WASF2: variants seen among roughly 807,000 people sequenced by gnomAD.
WASF2 encodes the protein actin-binding protein WASF2.
In WASF2, 14 loss-of-function variants were observed where a neutral mutation model predicts 45.0. That is an observed-to-expected ratio of 0.31 (90% CI 0.21 to 0.49). The LOEUF (loss-of-function observed/expected upper bound fraction) is 0.49. WASF2 is among the 20% of genes least tolerant of loss of function. The pLI is 0.99. For synonymous variants in WASF2, 200 were observed against 236.3 expected (o/e 0.85, Z 1.41); for missense variants, 439 against 636.1 (o/e 0.69, Z 3.33).
chr1:27,409,578 A>G (rs1452202999), intron 8 of WASF2, 114 bp downstream of exon 8: 43 of 1,332,446 alleles, frequency 3.2e-5, no homozygotes, highest in East Asian at 8.3e-5. Flanking sequence ...TCCCCACCCA[A>G]TGAAAGCCGT....
intron 4 of WASF2, among the ~76,000 whole-genome samples, chr1:27,417,277 C>T (rs1032018280): frequency 1.3e-5 from 2 of 152,200 alleles, no homozygotes; most frequent in African/African-American, 4.8e-5. Flanking sequence ...CTGCCCAAAC[C>T]CAACTAGACT....
chr1:27,457,095 C>G (rs2017479350), intron 1 of WASF2: 1 of 151,830 alleles, frequency 6.6e-6, no homozygotes, highest in African/African-American at 2.4e-5. Context: ...CTAGGCTGAT[C>G]TTGAACTCCT....
At chr1:27,422,050 A>C (rs1182241033) in intron 2 of WASF2, among the ~76,000 whole-genome samples, 3 of 152,022 alleles carry the variant, frequency 2.0e-5, no homozygotes, top group African/African-American at 7.2e-5. Flanking sequence ...AAAAAAAAAA[A>C]ACAATCAACT....
chr1:27,452,839 A>G (rs2017403067), intron 1 of WASF2, among the ~76,000 whole-genome samples: 2 of 150,196 alleles, frequency 1.3e-5, no homozygotes, highest in Middle Eastern at 7.0e-3. Flanking sequence ...AAAAACAAAA[A>G]TTTAAAAATT....
At chr1:27,474,590 T>C (rs1192572298) in intron 1 of WASF2, among the ~76,000 whole-genome samples, 1 of 151,516 alleles carries the variant, frequency 6.6e-6, no homozygotes, top group African/African-American at 2.4e-5. Flanking sequence ...GCCAACATGA[T>C]GAAACCCCGC....
intron 7 of WASF2, among the ~76,000 whole-genome samples, chr1:27,411,974 T>G (rs1341197231): frequency 6.6e-6 from 1 of 152,238 alleles, no homozygotes; most frequent in African/African-American, 2.4e-5. Flanking sequence ...GAATATAGGT[T>G]CTGGAGTTCA....
intron 1 of WASF2, among the ~76,000 whole-genome samples, chr1:27,458,088 T>C (rs943285820): frequency 2.0e-5 from 3 of 151,890 alleles, no homozygotes; most frequent in South Asian, 2.1e-4. Flanking sequence ...GACAGGCGGA[T>C]TGCCTGAGCT....
chr1:27,412,669 C>T lies in WASF2; in HGVS notation c.727G>A (p.Ala243Thr), dbSNP rs1381393805. Residue 243 changes from alanine (A) to threonine (T), a missense_variant, in exon 7 of 9, where the codon GCA becomes ACA. By Grantham distance (58) the Ala-to-Thr change is moderately conservative. Transcript: ENST00000618852. ...TGTGGTGGTGGCGGATAGCTACTTG[C>T]ATCCACGTTTTCAACACAGCCAATG... Reference protein sequence around the residue: ...GSIGCVENVDASSYPPPPQSD... With the variant: ...GSIGCVENVDTSSYPPPPQSD... 5.0e-6 allele frequency: 8 copies of T among 1,614,090 alleles called. No homozygotes were observed. The highest frequency in any genetic ancestry group is 6.8e-6 in the Non-Finnish European group (8 of 1,180,048).
intron 2 of WASF2, among the ~76,000 whole-genome samples, chr1:27,427,262 G>A (rs1168099268): frequency 6.6e-6 from 1 of 152,202 alleles, no homozygotes; most frequent in African/African-American, 2.4e-5. Context: ...ACAAGTGGGA[G>A]TGTGAGCAAT....
intron 2 of WASF2, among the ~76,000 whole-genome samples, chr1:27,427,736 C>A (rs1329896286): frequency 1.3e-5 from 2 of 152,152 alleles, no homozygotes; most frequent in African/African-American, 2.4e-5. Context: ...CGGGAGAATG[C>A]AGGCTTTCTT....
At chr1:27,472,709 C>A (rs1166088166) in intron 1 of WASF2, among the ~76,000 whole-genome samples, 2 of 144,164 alleles carry the variant, frequency 1.4e-5, no homozygotes, top group African/African-American at 5.2e-5. Flanking sequence ...ATGCCTGTAA[C>A]CCCAGCACCT....
chr1:27,445,794 T>C (rs2017303028), intron 1 of WASF2, among the ~76,000 whole-genome samples: 1 of 152,134 alleles, frequency 6.6e-6, no homozygotes, highest in Non-Finnish European at 1.5e-5. Flanking sequence ...GAGAATCGCT[T>C]TAAGTTTCAT....
chr1:27,420,365 C>T (rs879654576), intron 2 of WASF2, among the ~76,000 whole-genome samples: 1 of 152,082 alleles, frequency 6.6e-6, no homozygotes, highest in Non-Finnish European at 1.5e-5. Flanking sequence ...AGAAAAGTTC[C>T]GTACTTTCAA....
At chr1:27,468,346 G>GA (rs1557618315) in intron 1 of WASF2, among the ~76,000 whole-genome samples, 1 of 151,714 alleles carries the variant, frequency 6.6e-6, no homozygotes, top group Non-Finnish European at 1.5e-5. Flanking sequence ...AAACACCAGA[G>GA]AAAAAAAGAA....
chr1:27,479,293 A>T (rs1018474877), intron 1 of WASF2, among the ~76,000 whole-genome samples: 5 of 151,814 alleles, frequency 3.3e-5, no homozygotes, highest in African/African-American at 4.8e-5. Context: ...CTCAAAAAAA[A>T]AAAAAATCTT....
At chr1:27,455,840 A>G (rs1490293746) in intron 1 of WASF2, among the ~76,000 whole-genome samples, 1 of 152,152 alleles carries the variant, frequency 6.6e-6, no homozygotes, top group Non-Finnish European at 1.5e-5. Flanking sequence ...CTCTATTATT[A>G]CTTTATTATA....
At chr1:27,463,932 C>T (rs912594904) in intron 1 of WASF2, among the ~76,000 whole-genome samples, 6 of 151,326 alleles carry the variant, frequency 4.0e-5, no homozygotes, top group Admixed American at 4.0e-4. Context: ...CCACCACGCC[C>T]GGCTAATTAT....
chr1:27,409,714 G>T lies in WASF2; in HGVS notation c.1317C>A (p.Asp439Glu), dbSNP rs2016733519. Residue 439 changes from aspartate to glutamate, a missense_variant, in exon 8 of 9, where the codon GAC becomes GAA. Coordinates refer to ENST00000618852, the MANE Select transcript of WASF2 (RefSeq NM_006990.5). ...SLPAVSDARS[D>E]LLSAIRQGFQ... The stretch of plus-strand genomic sequence containing the variant: ...TACCTTGACGGATGGCTGAAAGCAG[G>T]TCGCTACGGGCATCGCTCACGGCAG... 4.0e-6 allele frequency: 6 copies of T among 1,502,538 alleles called. No homozygotes were observed. The highest frequency in any genetic ancestry group is 4.4e-6 in the Non-Finnish European group (5 of 1,125,684). The allele number at this position is 1,502,538 out of a possible 1,614,324, so 93.1% of individuals were successfully genotyped here.
In WASF2 at chr1:27,407,659, G is replaced by A. The variant is rs919465089; in HGVS notation, c.*530C>T. The stretch of plus-strand genomic sequence containing the variant: ...CATAGAGATCGCTTAGCAAAAGGCA[G>A]GCCCACCCTGCTGATTAGGGCAGAG... On this transcript the variant is annotated 3_prime_UTR_variant, in exon 9 of 9. Transcript: ENST00000618852. 1.3e-5 allele frequency: 2 copies of A among 152,382 alleles called. No homozygotes were observed. Among genetic ancestry groups the A allele is most frequent in the African/African-American group, 4.8e-5 (2 of 41,456 alleles). 9.4% of individuals were successfully genotyped at this position (152,382 alleles called of 1,614,324 possible). A position where few individuals can be genotyped will look rare whatever the true frequency, so the allele number is the denominator to read the frequency against.
Sources: allele counts gnomAD v4.1 joint callset (sites outside exome capture counted in the v4.1 genomes callset), GRCh38; gene constraint gnomAD v4.1.1; transcripts MANE v1.5; gene names NCBI Gene and HGNC (gene_info 2026-07-23, HGNC 2026-07-21).